Variants in SLC24A2 observed in about 807,000 individuals in gnomAD.
SLC24A2 encodes sodium/potassium/calcium exchanger 2.
SLC24A2 carries 36 observed loss-of-function variants against 62.0 expected under a neutral mutation model. The observed-to-expected ratio is 0.58, with a 90% CI of 0.44 to 0.77. The LOEUF (loss-of-function observed/expected upper bound fraction) is 0.77, where lower values mean the gene tolerates loss of function less well. Among genes scored for constraint, SLC24A2 ranks in the 30% least tolerant of loss-of-function variants. The pLI is 0.00. For missense variants in SLC24A2, 846 were observed against 817.9 expected, an observed-to-expected ratio of 1.03 and a Z score of -0.42; for synonymous variants, 358 against 294.0, an observed-to-expected ratio of 1.22 and a Z score of -2.23.
the SLC24A2 span, among the ~76,000 whole-genome samples, chr9:20,284,207 T>C: frequency 1.3e-5 from 2 of 152,204 alleles, no homozygotes; most frequent in African/African-American, 4.8e-5. Context: ...CTTGATCCCT[T>C]TATAAGTCAA....
the SLC24A2 span, among the ~76,000 whole-genome samples, chr9:19,875,521 A>C: frequency 6.6e-6 from 1 of 152,182 alleles, no homozygotes; most frequent in African/African-American, 2.4e-5. Flanking sequence ...CAAGTCCTGC[A>C]AGGGCTCCAT....
chr9:20,157,108 A>G, the SLC24A2 span, among the ~76,000 whole-genome samples: 1 of 151,730 alleles, frequency 6.6e-6, no homozygotes, highest in African/African-American at 2.4e-5. Flanking sequence ...ACATCTAGTA[A>G]GTACTCACAA....
At chr9:20,210,665 T>C in the SLC24A2 span, among the ~76,000 whole-genome samples, 1 of 120,366 alleles carries the variant, frequency 8.3e-6, no homozygotes, top group Non-Finnish European at 1.7e-5. Flanking sequence ...TTTTTTTTTT[T>C]TTTTTTTTTT....
the SLC24A2 span, among the ~76,000 whole-genome samples, chr9:20,048,108 A>G: frequency 6.6e-6 from 1 of 152,288 alleles, no homozygotes; most frequent in East Asian, 1.9e-4. Flanking sequence ...GCTACCACTT[A>G]TTGAGCATTA....
rs577741717 is a variant in SLC24A2 at position 19,571,403 on chromosome 9, T to A, written c.1347+1948A>T. Among the ~76,000 whole-genome samples the A allele has an allele frequency of 1.1e-4, 16 of 142,192 alleles. No homozygotes were observed. The East Asian group carries it at 5.9e-3, about 52-fold the overall frequency. 93.3% of individuals were successfully genotyped at this position (142,192 alleles called of 152,430 possible). ...AAGGGTAACAGGCAACAATTAGCAT[T>A]TTTTTTTTCTTAAGAAGTGGCTGCT... is the stretch of plus-strand genomic sequence containing the variant. On this transcript the variant is annotated intron_variant, in intron 7 of 10. Transcript: ENST00000341998.
chr9:19,903,393 G>A, the SLC24A2 span, among the ~76,000 whole-genome samples: 107 of 152,234 alleles, frequency 7.0e-4, no homozygotes, highest in Non-Finnish European at 1.3e-3. Context: ...CCCATCATGC[G>A]TGCTTCACAT....
At chr9:20,001,945 C>T in the SLC24A2 span, among the ~76,000 whole-genome samples, 1 of 152,086 alleles carries the variant, frequency 6.6e-6, no homozygotes, top group Admixed American at 6.5e-5. Flanking sequence ...CATAAGAATA[C>T]TAAAGGTAAG....
At chr9:20,225,198 G>A in the SLC24A2 span, among the ~76,000 whole-genome samples, 4 of 151,982 alleles carry the variant, frequency 2.6e-5, no homozygotes, top group Non-Finnish European at 1.5e-5. Flanking sequence ...TGTATATTGA[G>A]TTATAATGTA....
chr9:20,085,040 G>T, the SLC24A2 span, among the ~76,000 whole-genome samples: 4,023 of 152,258 alleles, frequency 0.026, 169 homozygotes, highest in African/African-American at 0.09. Flanking sequence ...CTGTCACCTA[G>T]CCTGGAGTGC....
chr9:19,725,454 T>G (rs569640855), intron 2 of SLC24A2, among the ~76,000 whole-genome samples: 1 of 152,328 alleles, frequency 6.6e-6, no homozygotes, highest in African/African-American at 2.4e-5. Flanking sequence ...CTATCTTGGC[T>G]TAGGATGACA....
the SLC24A2 span, among the ~76,000 whole-genome samples, chr9:19,905,146 G>A: frequency 1.3e-5 from 2 of 152,140 alleles, no homozygotes; most frequent in Non-Finnish European, 2.9e-5. Context: ...TTCAGGATCT[G>A]ACAGGGAGGA....
At chr9:19,710,889 G>A (rs1820696333) in intron 2 of SLC24A2, among the ~76,000 whole-genome samples, 1 of 152,198 alleles carries the variant, frequency 6.6e-6, no homozygotes, top group Non-Finnish European at 1.5e-5. Flanking sequence ...TGAAATGGAT[G>A]ACTATACATG....
the SLC24A2 span, among the ~76,000 whole-genome samples, chr9:19,910,315 T>C: frequency 6.6e-6 from 1 of 152,138 alleles, no homozygotes; most frequent in South Asian, 2.1e-4. Context: ...ATTTTCAAAA[T>C]AATTCCGCTT....
intron 8 of SLC24A2, among the ~76,000 whole-genome samples, chr9:19,544,740 G>A (rs1011446229): frequency 2.6e-5 from 4 of 152,194 alleles, no homozygotes; most frequent in African/African-American, 9.7e-5. Context: ...TTTTAAGAAT[G>A]TTGAATATTG....
the SLC24A2 span, among the ~76,000 whole-genome samples, chr9:20,008,043 G>A: frequency 7.3e-5 from 11 of 151,418 alleles, no homozygotes; most frequent in South Asian, 1.0e-3. Flanking sequence ...CTACAGGTGC[G>A]CACCACCATG....
the SLC24A2 span, among the ~76,000 whole-genome samples, chr9:20,196,691 C>G: frequency 6.6e-6 from 1 of 152,288 alleles, no homozygotes; most frequent in South Asian, 2.1e-4. Flanking sequence ...TACATTCTGC[C>G]AAGGAGGCCT....
At chr9:20,098,580 G>C in the SLC24A2 span, among the ~76,000 whole-genome samples, 2 of 152,204 alleles carry the variant, frequency 1.3e-5, no homozygotes, top group African/African-American at 2.4e-5. Context: ...TTAGGCCTAA[G>C]AGACCTAAAG....
chr9:20,005,704 T>C, the SLC24A2 span, among the ~76,000 whole-genome samples: 1 of 151,944 alleles, frequency 6.6e-6, no homozygotes, highest in African/African-American at 2.4e-5. Flanking sequence ...TTCTATTAGA[T>C]GTAAATGGAG....
the SLC24A2 span, among the ~76,000 whole-genome samples, chr9:20,227,918 A>G: frequency 1.3e-5 from 2 of 152,184 alleles, no homozygotes; most frequent in African/African-American, 4.8e-5. Flanking sequence ...CTCTATCCAC[A>G]ATAAAAACAA....
Sources: allele counts gnomAD v4.1 joint callset (sites outside exome capture counted in the v4.1 genomes callset), GRCh38; gene constraint gnomAD v4.1.1; transcripts MANE v1.5; gene names NCBI Gene and HGNC (gene_info 2026-07-23, HGNC 2026-07-21).